Variants in LRFN1 observed in about 807,000 individuals in gnomAD.
The protein encoded by LRFN1 is leucine-rich repeat and fibronectin type III domain-containing protein 1.
In LRFN1, 20 loss-of-function variants were observed where a neutral mutation model predicts 31.8. The observed-to-expected ratio is 0.63, with a 90% CI of 0.44 to 0.91. The LOEUF (loss-of-function observed/expected upper bound fraction) is 0.91, where lower values mean the gene tolerates loss of function less well. Ranked by LOEUF, LRFN1 falls within the 40% of genes least tolerant of loss-of-function variation. LRFN1 has a pLI of 0.00. For missense variants in LRFN1, 912 were observed against 1,129.8 expected (o/e 0.81, Z 2.76); for synonymous variants, 514 against 541.3 (o/e 0.95, Z 0.70).
At position 39,307,038 on chromosome 19, in the gene LRFN1, G is replaced by A. The variant is rs901452317; in HGVS notation, c.*595C>T. The stretch of plus-strand genomic sequence containing the variant: ...CCGAGGGACAAGAGACGACAGGACA[G>A]AGAGAAAGGAGAGGCAAATAGGGAA... On this transcript the variant is annotated 3_prime_UTR_variant, in exon 5 of 5. Transcript: ENST00000248668. This position sits in a 1 kb window ranked among gnomAD's most constrained non-coding sequence, Gnocchi z 6.7. 2.8e-6 allele frequency: 1 copy of A among 350,892 alleles called. No individual in the cohort carries two copies. Among genetic ancestry groups the A allele is most frequent in the Admixed American group, 4.7e-5 (1 of 21,070 alleles). The allele number at this position is 350,892 out of a possible 1,614,324, so 21.7% of individuals were successfully genotyped here.
At position 39,307,733 on chromosome 19, in the gene LRFN1, C is replaced by G; in HGVS notation, c.2216G>C (p.Gly739Ala). The G allele has an allele frequency of 6.7e-6, 10 of 1,490,340 alleles. No homozygotes were observed. Among genetic ancestry groups the G allele is most frequent in the Non-Finnish European group, 7.9e-6 (9 of 1,132,902 alleles). 92.3% of individuals were successfully genotyped at this position (1,490,340 alleles called of 1,614,324 possible). A position where few individuals can be genotyped will look rare whatever the true frequency, so the allele number is the denominator to read the frequency against. ...HRSTPHLDGA[G>A]GGAAGEDGDL... ...TCCATCCTCCCCGGCCGCGCCCCCT[C>G]CAGCCCCGTCCAGGTGCGGCGTGGA... The change falls in exon 5 of 5, where the codon GGA becomes GCA. Residue 739 changes from glycine to alanine, a missense_variant. This residue lies in a region of LRFN1 where 511 missense variants were observed against 557.0 expected (regional missense o/e 0.92). Coordinates refer to ENST00000248668, the MANE Select transcript of LRFN1 (RefSeq NM_020862.2). This position sits in a 1 kb window ranked among gnomAD's most constrained non-coding sequence, Gnocchi z 6.7.
intron 2 of LRFN1, among the ~76,000 whole-genome samples, chr19:39,316,369 C>T (rs1467105513): frequency 6.6e-6 from 1 of 152,170 alleles, no homozygotes; most frequent in African/African-American, 2.4e-5. Context: ...TCCCCTTTTG[C>T]TAGCTCTGTG....
chr19:39,309,607 C>T (rs1017914080), intron 4 of LRFN1, among the ~76,000 whole-genome samples: 15 of 150,258 alleles, frequency 1.0e-4, no homozygotes, highest in African/African-American at 3.7e-4. Flanking sequence ...TGAAATGTGG[C>T]TTCCAGGCAC....
intron 1 of LRFN1, among the ~76,000 whole-genome samples, chr19:39,319,686 C>G (rs952069254): frequency 6.6e-6 from 1 of 152,166 alleles, no homozygotes; most frequent in Non-Finnish European, 1.5e-5. Flanking sequence ...CACATTCCTC[C>G]CAGCCCTGAG....
At chr19:39,312,062 G>T (rs2075152476) in intron 4 of LRFN1, among the ~76,000 whole-genome samples, 1 of 151,870 alleles carries the variant, frequency 6.6e-6, no homozygotes, top group South Asian at 2.1e-4. Flanking sequence ...TAGAGACAGG[G>T]TTTCACCATG....
At position 39,314,690 on chromosome 19, in the gene LRFN1, T is replaced by C; in HGVS notation, c.647A>G (p.Asp216Gly). 6.2e-7 allele frequency: 1 copy of C among 1,613,160 alleles called. No individual in the cohort carries two copies. The highest frequency in any genetic ancestry group is 8.5e-7 in the Non-Finnish European group (1 of 1,179,442). Reference protein sequence around the residue: ...FVQLHKLVRLDMTSNRLHKLP... With the variant: ...FVQLHKLVRLGMTSNRLHKLP... ...TTTATGCAGGCGGTTGGAGGTCATGTCCAGACGGACCAGCTTGTGAAGCTG... is the reference window on the plus strand; with the variant it reads ...TTTATGCAGGCGGTTGGAGGTCATGCCCAGACGGACCAGCTTGTGAAGCTG... The change falls in exon 4 of 5, where the codon GAC becomes GGC. Residue 216 changes from aspartate (D) to glycine (G), a missense_variant. Around this residue, in one of 2 missense-constraint regions of LRFN1, gnomAD observed 401 missense variants for 572.7 expected, o/e 0.70. Coordinates refer to ENST00000248668, the MANE Select transcript of LRFN1 (RefSeq NM_020862.2).
chr19:39,319,704 C>G (rs543529397), intron 1 of LRFN1, among the ~76,000 whole-genome samples: 3 of 152,124 alleles, frequency 2.0e-5, no homozygotes, highest in East Asian at 3.8e-4. Flanking sequence ...GAGGCACCCC[C>G]CCACCACCCC....
rs1326080997 is a variant in LRFN1 at position 39,314,628 on chromosome 19, T to G, written c.709A>C (p.Thr237Pro). The G allele has an allele frequency of 1.2e-6, 2 of 1,610,324 alleles. No individual in the cohort carries two copies. Among genetic ancestry groups the G allele is most frequent in the African/African-American group, 2.7e-5 (2 of 74,960 alleles). ...PDGLFLRSQG[T>P]GPKPPTPLTV... ...AGCGGGGTGGGCGGCTTGGGCCCGGTGCCCTGCGACCTCAGGAAGAGCCCG... is the reference window on the plus strand; with the variant it reads ...AGCGGGGTGGGCGGCTTGGGCCCGGGGCCCTGCGACCTCAGGAAGAGCCCG... Residue 237 changes from threonine to proline, a missense_variant, in exon 4 of 5, where the codon ACC becomes CCC. Around this residue, in one of 2 missense-constraint regions of LRFN1, gnomAD observed 401 missense variants for 572.7 expected, o/e 0.70. Transcript: ENST00000248668.
chr19:39,311,367 C>T (rs2075149945), intron 4 of LRFN1, among the ~76,000 whole-genome samples: 1 of 152,076 alleles, frequency 6.6e-6, no homozygotes, highest in South Asian at 2.1e-4. Flanking sequence ...ACATCTGCAT[C>T]CATGCAGGGT....
rs1415840123 is a variant in LRFN1 at position 39,307,690 on chromosome 19, G to A, written c.2259C>T (p.Ser753=). Residue 753 remains serine (S), a synonymous_variant, in exon 5 of 5, where the codon TCC becomes TCT. Transcript: ENST00000248668. This position sits in a 1 kb window ranked among gnomAD's most constrained non-coding sequence, Gnocchi z 6.7. ...TGGTGAAAGCCAGGCACGCCCTGGCGGAGCCCAGCCCCAGGTCTCCATCCT... is the reference window on the plus strand; with the variant it reads ...TGGTGAAAGCCAGGCACGCCCTGGCAGAGCCCAGCCCCAGGTCTCCATCCT... ...AGEDGDLGLG[S]ARACLAFTST... 2 of 1,506,724 alleles carry A rather than the reference G, an allele frequency of 1.3e-6. No homozygotes were observed. The highest frequency in any genetic ancestry group is 2.6e-5 in the East Asian group (1 of 37,852). The allele number at this position is 1,506,724 out of a possible 1,614,324, so 93.3% of individuals were successfully genotyped here.
chr19:39,311,814 T>C (rs1440246589), intron 4 of LRFN1, among the ~76,000 whole-genome samples: 3 of 151,786 alleles, frequency 2.0e-5, no homozygotes, highest in African/African-American at 7.3e-5. Context: ...CTACTCAGTG[T>C]TTGGGACCAG....
chr19:39,319,511 CA>C (rs1395361640), intron 1 of LRFN1, among the ~76,000 whole-genome samples: 3 of 152,224 alleles, frequency 2.0e-5, no homozygotes, highest in South Asian at 4.1e-4. Flanking sequence ...CACACAGGCA[CA>C]AAAAGATCCA....
chr19:39,308,042 T>A lies in LRFN1; in HGVS notation c.1907A>T (p.Glu636Val). The part of the protein sequence containing the change: ...MEAETASAEP[E>V]VVLGRSLGGS... ...GCCCAGAGAACGTCCAAGGACCACC[T>A]CCGGCTCCGCGGATGCCGTCTCGGC... Residue 636 changes from glutamate to valine, a missense_variant, in exon 5 of 5, where the codon GAG becomes GTG. By Grantham distance (121) the Glu-to-Val change is moderately radical. This residue lies in a region of LRFN1 where 511 missense variants were observed against 557.0 expected (regional missense o/e 0.92). Coordinates refer to ENST00000248668, the MANE Select transcript of LRFN1 (RefSeq NM_020862.2). The surrounding 1 kb of genome is among the most constrained non-coding windows in gnomAD (Gnocchi z 6.2). 1 of 1,532,378 alleles carries A rather than the reference T, an allele frequency of 6.5e-7. No homozygotes were observed. The allele number at this position is 1,532,378 out of a possible 1,614,324, so 94.9% of individuals were successfully genotyped here.
chr19:39,320,524 G>T (rs897660507), intron 1 of LRFN1, among the ~76,000 whole-genome samples: 2 of 151,966 alleles, frequency 1.3e-5, no homozygotes, highest in African/African-American at 2.4e-5. Context: ...GCGCGACAGC[G>T]CCCAGACACA....
In LRFN1 at chr19:39,320,795, A is replaced by C; in HGVS notation, c.-128T>G. 7.1e-6 allele frequency: 1 copy of C among 141,808 alleles called. No individual in the cohort carries two copies. Among genetic ancestry groups the C allele is most frequent in the East Asian group, 2.2e-4 (1 of 4,604 alleles). The allele number at this position is 141,808 out of a possible 1,614,324, so 8.8% of individuals were successfully genotyped here. On this transcript the variant is annotated splice_region_variant and 5_prime_UTR_variant, in exon 1 of 5. Transcript: ENST00000248668. The stretch of plus-strand genomic sequence containing the variant: ...GGGCCGCTGCAGGCCGCGCTCACCC[A>C]GCCCGGGGGGGCCCCGGGCCCGGCC...
chr19:39,316,514 GT>G (rs1045409485), intron 2 of LRFN1, among the ~76,000 whole-genome samples: 2 of 152,268 alleles, frequency 1.3e-5, no homozygotes, highest in African/African-American at 4.8e-5. Flanking sequence ...AATGTTAAGG[GT>G]TTCCCCCCTC....
At position 39,308,472 on chromosome 19, in the gene LRFN1, C is replaced by A; in HGVS notation, c.1477G>T (p.Val493Leu). The A allele has an allele frequency of 1.2e-6, 2 of 1,607,274 alleles. No homozygotes were observed. The highest frequency in any genetic ancestry group is 8.5e-7 in the Non-Finnish European group (1 of 1,179,636). The change falls in exon 5 of 5, where the codon GTG becomes TTG. Residue 493 changes from valine to leucine, a missense_variant. Transcript: ENST00000248668. This position sits in a 1 kb window ranked among gnomAD's most constrained non-coding sequence, Gnocchi z 6.2. ...GCCCCGTCGTCGTAGACCGCCAGCA[C>A]GCACAAGTCGTAGGCACGGCCCGCC... Reference protein sequence around the residue: ...LAAGRAYDLCVLAVYDDGATA... With the variant: ...LAAGRAYDLCLLAVYDDGATA...
chr19:39,317,759 T>C (rs1389417350), intron 2 of LRFN1, among the ~76,000 whole-genome samples: 3 of 152,162 alleles, frequency 2.0e-5, no homozygotes, highest in Non-Finnish European at 4.4e-5. Context: ...GATAATATTT[T>C]ATGACATGCT....
rs758709899 is a variant in LRFN1 at position 39,308,449 on chromosome 19, C to T, written c.1500G>A (p.Gly500=). The part of the protein sequence containing the change: ...DLCVLAVYDD[G]ATALPATRVV... ...CTCGCGTTGCCGGCAGCGCTGTGGC[C>T]CCGTCGTCGTAGACCGCCAGCACGC... is the stretch of plus-strand genomic sequence containing the variant. The change falls in exon 5 of 5, where the codon GGG becomes GGA. Residue 500 remains glycine (G), a synonymous_variant. Transcript: ENST00000248668. This position sits in a 1 kb window ranked among gnomAD's most constrained non-coding sequence, Gnocchi z 6.2. The T allele has an allele frequency of 1.2e-6, 2 of 1,610,108 alleles. No individual in the cohort carries two copies. The highest frequency in any genetic ancestry group is 2.7e-5 in the African/African-American group (2 of 74,922).
Sources: allele counts gnomAD v4.1 joint callset (sites outside exome capture counted in the v4.1 genomes callset), GRCh38; gene constraint gnomAD v4.1.1; regional missense constraint gnomAD v4.1.1; non-coding constraint Gnocchi (gnomAD v3.1); transcripts MANE v1.5; gene names NCBI Gene and HGNC (gene_info 2026-07-23, HGNC 2026-07-21).